TSHZ2: variants seen among roughly 807,000 people sequenced by gnomAD.
TSHZ2 encodes teashirt homolog 2.
Under a neutral mutation model 74.4 loss-of-function variants are expected in TSHZ2, and 21 were observed. That is an observed-to-expected ratio of 0.28 (90% CI 0.20 to 0.41). TSHZ2 has a LOEUF of 0.41. Among genes scored for constraint, TSHZ2 ranks in the 10% least tolerant of loss-of-function variants. TSHZ2 has a pLI of 1.00. For missense variants in TSHZ2, 1,244 were observed against 1,293.5 expected, an observed-to-expected ratio of 0.96 and a Z score of 0.59; for synonymous variants, 540 against 515.3, an observed-to-expected ratio of 1.05 and a Z score of -0.65.
rs575840828 is a variant in TSHZ2, at chr20:53,155,463, C to A, written c.41-98036C>A. Among the ~76,000 whole-genome samples the A allele has an allele frequency of 9.2e-4, 140 of 151,994 alleles. 1 individual carries two copies. Among genetic ancestry groups the A allele is most frequent in the South Asian group, 1.0e-3 (5 of 4,800 alleles). ...CTCCCACCTGCCCATCCCCTTTGGGCAAACTCCAGGGGTAGCCAGAGGACA... is the reference window on the plus strand; with the variant it reads ...CTCCCACCTGCCCATCCCCTTTGGGAAAACTCCAGGGGTAGCCAGAGGACA... On this transcript the variant is annotated intron_variant, in intron 1 of 2. Coordinates refer to ENST00000371497, the MANE Select transcript of TSHZ2 (RefSeq NM_173485.6).
intron 1 of TSHZ2, among the ~76,000 whole-genome samples, chr20:53,156,351 A>C (rs1372523526): frequency 6.6e-6 from 1 of 152,202 alleles, no homozygotes; most frequent in East Asian, 1.9e-4. Flanking sequence ...GAAGGATGGC[A>C]ACTCAGTGGG....
Position 53,301,724 on chromosome 20 carries a change from TTTAACCCG to T in TSHZ2, c.*8+45154_*8+45161del, listed in dbSNP as rs1991478897. Among the ~76,000 whole-genome samples the T allele has an allele frequency of 1.3e-5, 2 of 152,200 alleles. 1 individual carries two copies. Among genetic ancestry groups the T allele is most frequent in the South Asian group, 4.1e-4 (2 of 4,830 alleles). On this transcript the variant is annotated intron_variant, in intron 2 of 2. Coordinates refer to ENST00000371497, the MANE Select transcript of TSHZ2 (RefSeq NM_173485.6). ...TATTGTTACTTGGTTGCTTGGCAAC[TTTAACCCG>T]CTCATCCCTAAAAGCACAGTGCCAC...
chr20:53,397,362 GAC>G (rs1233129009), intron 2 of TSHZ2, among the ~76,000 whole-genome samples: 4 of 152,148 alleles, frequency 2.6e-5, no homozygotes, highest in Admixed American at 1.3e-4. Context: ...GCAGCCAACA[GAC>G]ACATGAAAAA....
intron 2 of TSHZ2, among the ~76,000 whole-genome samples, chr20:53,458,033 G>A (rs1985179220): frequency 6.6e-6 from 1 of 152,076 alleles, no homozygotes. Flanking sequence ...TTTTGGTTGA[G>A]TCTCTGCCCG....
intron 1 of TSHZ2, among the ~76,000 whole-genome samples, chr20:53,047,197 C>T (rs1477716985): frequency 6.6e-6 from 1 of 152,198 alleles, no homozygotes; most frequent in African/African-American, 2.4e-5. Flanking sequence ...GTAAAACAGA[C>T]TCTAACTCTT....
intron 1 of TSHZ2, among the ~76,000 whole-genome samples, chr20:53,025,962 G>C (rs1983426608): frequency 6.6e-6 from 1 of 152,166 alleles, no homozygotes; most frequent in Admixed American, 6.5e-5. Context: ...GACAGAAGTA[G>C]AGCCCGTTAG....
chr20:53,391,522 C>G (rs1568897302), intron 2 of TSHZ2, among the ~76,000 whole-genome samples: 1 of 151,074 alleles, frequency 6.6e-6, no homozygotes, highest in Non-Finnish European at 1.5e-5. Context: ...GCCTCAAACT[C>G]TGGGGCTCAA....
At chr20:53,469,786 G>GAGGA (rs1338531618) in intron 2 of TSHZ2, among the ~76,000 whole-genome samples, 6 of 86,734 alleles carry the variant, frequency 6.9e-5, no homozygotes, top group South Asian at 4.9e-4. Context: ...GGGAGGGAGG[G>GAGGA]AGGAAGGAAG....
Position 53,179,574 on chromosome 20 carries a change from A to C in TSHZ2, c.41-73925A>C, listed in dbSNP as rs570337975. Reference sequence around the variant, plus strand: ...GCTCACGTGCCACCTGAGTAGGCTTACTGAGTGATAGCCCATAATTGACAG... The same window carrying C: ...GCTCACGTGCCACCTGAGTAGGCTTCCTGAGTGATAGCCCATAATTGACAG... On this transcript the variant is annotated intron_variant, in intron 1 of 2. Transcript: ENST00000371497. 11 of 152,340 alleles carry C rather than the reference A, an allele frequency of 7.2e-5. No individual in the cohort carries two copies. The East Asian group carries it at 2.1e-3, about 29-fold the overall frequency. The allele number at this position is 152,340 out of a possible 1,614,324, so 9.4% of individuals were successfully genotyped here.
chr20:53,289,829 T>C (rs994699553), intron 2 of TSHZ2, among the ~76,000 whole-genome samples: 3 of 152,202 alleles, frequency 2.0e-5, no homozygotes, highest in Non-Finnish European at 2.9e-5. Flanking sequence ...CAAACAATCA[T>C]TGAAAATTGA....
intron 1 of TSHZ2, among the ~76,000 whole-genome samples, chr20:53,221,820 A>T (rs1170808052): frequency 6.6e-6 from 1 of 152,244 alleles, no homozygotes; most frequent in Non-Finnish European, 1.5e-5. Context: ...TTGCATTATG[A>T]TGAAGCTAAG....
At chr20:53,147,051 C>T (rs1292785396) in intron 1 of TSHZ2, among the ~76,000 whole-genome samples, 1 of 152,162 alleles carries the variant, frequency 6.6e-6, no homozygotes, top group Non-Finnish European at 1.5e-5. Flanking sequence ...TTGATGTCTT[C>T]TTCTTCCATT....
At chr20:53,069,402 C>T (rs558556202) in intron 1 of TSHZ2, among the ~76,000 whole-genome samples, 4 of 152,120 alleles carry the variant, frequency 2.6e-5, no homozygotes, top group South Asian at 2.1e-4. Context: ...CCATCTGTCC[C>T]GTATGCAGCC....
chr20:53,055,707 T>TA (rs1984617850), intron 1 of TSHZ2, among the ~76,000 whole-genome samples: 1 of 152,310 alleles, frequency 6.6e-6, no homozygotes, highest in East Asian at 1.9e-4. Flanking sequence ...GTTACCTCTT[T>TA]AAAAAAATCT....
At chr20:53,344,806 T>C (rs1980371981) in intron 2 of TSHZ2, among the ~76,000 whole-genome samples, 1 of 152,182 alleles carries the variant, frequency 6.6e-6, no homozygotes, top group Admixed American at 6.5e-5. Context: ...CTTCACTTTC[T>C]CCCCTGCACA....
At chr20:53,235,435 G>T (rs1179721568) in intron 1 of TSHZ2, among the ~76,000 whole-genome samples, 4 of 152,150 alleles carry the variant, frequency 2.6e-5, no homozygotes, top group Admixed American at 2.0e-4. Context: ...CTCCCAAAGT[G>T]CTGGGATTAC....
intron 1 of TSHZ2, among the ~76,000 whole-genome samples, chr20:53,105,300 C>T (rs1408533244): frequency 2.6e-5 from 4 of 152,210 alleles, no homozygotes; most frequent in Non-Finnish European, 5.9e-5. Flanking sequence ...CTTGGCACTG[C>T]TGACATTAGG....
At chr20:53,472,510 G>C (rs1469522987) in intron 2 of TSHZ2, among the ~76,000 whole-genome samples, 1 of 152,046 alleles carries the variant, frequency 6.6e-6, no homozygotes, top group Non-Finnish European at 1.5e-5. Flanking sequence ...TATTGAAGTA[G>C]TTGTGAGATC....
At chr20:53,215,965 C>T (rs138802248) in intron 1 of TSHZ2, among the ~76,000 whole-genome samples, 1 of 152,160 alleles carries the variant, frequency 6.6e-6, no homozygotes, top group African/African-American at 2.4e-5. Flanking sequence ...GGTTGAGCTC[C>T]TGCCCTTTTT....
Sources: gnomAD v4.1 joint callset for allele counts (sites outside exome capture counted in the v4.1 genomes callset) on GRCh38, gnomAD v4.1.1 for gene constraint, MANE v1.5 for transcripts, NCBI Gene and HGNC (gene_info 2026-07-23, HGNC 2026-07-21) for gene names.